ZNF155: variants seen among roughly 807,000 people sequenced by gnomAD.
The protein encoded by ZNF155 is zinc finger protein 155, also known as KRAB A domain.
In ZNF155, 15 loss-of-function variants were observed where a neutral mutation model predicts 11.9. The ratio of observed to expected loss-of-function variants is 1.26; its 90% CI spans 0.84 to 1.94. ZNF155 has a LOEUF of 1.94. Among genes scored for constraint, ZNF155 ranks in the 30% most tolerant of loss-of-function variants. The pLI, the probability that ZNF155 is intolerant of heterozygous loss-of-function variation, is 0.00. For synonymous variants in ZNF155, 212 were observed against 219.9 expected, an observed-to-expected ratio of 0.96 and a Z score of 0.32; for missense variants, 602 against 639.1, an observed-to-expected ratio of 0.94 and a Z score of 0.63.
Position 43,996,395 on chromosome 19 carries a change from GA to G in ZNF155, c.539del (p.Glu180GlyfsTer178). 1 of 1,614,200 alleles carries G rather than the reference GA, an allele frequency of 6.2e-7. No homozygotes were observed. The highest frequency in any genetic ancestry group is 1.1e-5 in the South Asian group (1 of 91,074). On this transcript the variant is annotated frameshift_variant, in exon 5 of 5. Coordinates refer to ENST00000270014, the MANE Select transcript of ZNF155 (RefSeq NM_198089.3). LOFTEE classifies it low-confidence loss of function (END_TRUNC). ...AGAAGAGAAGTCTTATACATGTGAT[GA>G]GTGTGGAAAAAGCATCTGTTACATC... Reference protein sequence around the residue: ...YSEEKSYTCDECGKSICYISA... With the variant: ...YSEEKSYTCDXCGKSICYISA...
rs758730015 is a variant in ZNF155, at chr19:43,997,399, T to C, written c.1542T>C (p.Cys514=). ...RDYSGENPSK[C]EDCGRRYKRR... Reference sequence around the variant, plus strand: ...ATAGTGGGGAAAACCCATCCAAATGTGAGGATTGTGGGAGACGCTACAAGA... The same window carrying C: ...ATAGTGGGGAAAACCCATCCAAATGCGAGGATTGTGGGAGACGCTACAAGA... Residue 514 remains cysteine (C), a synonymous_variant, in exon 5 of 5, where the codon TGT becomes TGC. Coordinates refer to ENST00000270014, the MANE Select transcript of ZNF155 (RefSeq NM_198089.3). 4.3e-6 allele frequency: 7 copies of C among 1,613,346 alleles called. No individual in the cohort carries two copies. In the East Asian group the frequency reaches 1.6e-4, roughly 36 times the overall value.
chr19:43,986,726 G>A (rs946830348), intron 1 of ZNF155, among the ~76,000 whole-genome samples: 2 of 152,118 alleles, frequency 1.3e-5, no homozygotes, highest in African/African-American at 4.8e-5. Flanking sequence ...TGAGATTACA[G>A]GTGTGAGCCA....
At position 43,997,332 on chromosome 19, in the gene ZNF155, G is replaced by C. The variant is rs199749135; in HGVS notation, c.1475G>C (p.Arg492Thr). 1.4e-4 allele frequency: 232 copies of C among 1,613,734 alleles called. No individual in the cohort carries two copies. Among genetic ancestry groups the C allele is most frequent in the Non-Finnish European group, 1.9e-4 (227 of 1,179,810 alleles). Residue 492 changes from arginine to threonine, a missense_variant, in exon 5 of 5, where the codon AGG (arginine) becomes ACG (threonine). Transcript: ENST00000270014. The stretch of plus-strand genomic sequence containing the variant: ...TTCAAATGTGAGGACTGTGGAAAGA[G>C]GCTTGTACACAGGACATACCGTAAA... ...KPFKCEDCGK[R>T]LVHRTYRKDQ...
chr19:43,995,406 CTTTTT>C (rs60385928), intron 4 of ZNF155, among the ~76,000 whole-genome samples: 3 of 94,220 alleles, frequency 3.2e-5, no homozygotes, highest in Admixed American at 1.1e-4. Flanking sequence ...GCATCCAGCA[CTTTTT>C]TTTTTTTTTT....
chr19:43,990,013 C>T, intron 2 of ZNF155: 1 of 1,447,114 alleles, frequency 6.9e-7, no homozygotes, highest in Non-Finnish European at 9.1e-7. Context: ...ATGATTTGTT[C>T]CCCAAATCAG....
At chr19:43,991,168 G>C (rs1396084930) in intron 2 of ZNF155, among the ~76,000 whole-genome samples, 2 of 152,194 alleles carry the variant, frequency 1.3e-5, no homozygotes, top group African/African-American at 4.8e-5. Flanking sequence ...TCCAGGGTTT[G>C]AGTACGAGAG....
In ZNF155 at chr19:43,991,872, A is replaced by G; in HGVS notation, c.173A>G (p.His58Arg). The G allele has an allele frequency of 1.2e-6, 2 of 1,614,014 alleles. No individual in the cohort carries two copies. Among genetic ancestry groups the G allele is most frequent in the Non-Finnish European group, 1.7e-6 (2 of 1,179,958 alleles). ...CAACCGTTCCACCAAGATACTTGCC[A>G]CTTCCTAAGGGAAGAAAAGTTTTGG... ...GHQPFHQDTC[H>R]FLREEKFWMM... Residue 58 changes from histidine (H) to arginine (R), a missense_variant, in exon 4 of 5, where the codon CAC (histidine) becomes CGC (arginine). Transcript: ENST00000270014.
chr19:43,997,411 G>A lies in ZNF155; in HGVS notation c.1554G>A (p.Gly518=). 6 of 1,611,660 alleles carry A rather than the reference G, an allele frequency of 3.7e-6. No individual in the cohort carries two copies. Among genetic ancestry groups the A allele is most frequent in the Non-Finnish European group, 3.4e-6 (4 of 1,179,394 alleles). Reference sequence around the variant, plus strand: ...ACCCATCCAAATGTGAGGATTGTGGGAGACGCTACAAGAGGCGCTTGAATC... The same window carrying A: ...ACCCATCCAAATGTGAGGATTGTGGAAGACGCTACAAGAGGCGCTTGAATC... ...GENPSKCEDC[G]RRYKRRLNLD... Residue 518 remains glycine, a synonymous_variant, in exon 5 of 5, where the codon GGG becomes GGA. Coordinates refer to ENST00000270014, the MANE Select transcript of ZNF155 (RefSeq NM_198089.3).
intron 4 of ZNF155, 27 bp downstream of exon 4, chr19:43,991,961 T>C (rs777981191): frequency 1.3e-5 from 20 of 1,593,606 alleles, no homozygotes; most frequent in Non-Finnish European, 1.7e-5. Context: ...TGTGTGTCCT[T>C]GTACCTGACT....
Position 43,988,519 on chromosome 19 carries a change from C to A in ZNF155, c.-25C>A. ...TCAAACTGCATCACCCAGGAGTCTGCAAATTCCCCAAAGTAGGAGGAAAAA... is the reference window on the plus strand; with the variant it reads ...TCAAACTGCATCACCCAGGAGTCTGAAAATTCCCCAAAGTAGGAGGAAAAA... On this transcript the variant is annotated 5_prime_UTR_variant, in exon 2 of 5. Transcript: ENST00000270014. 1 of 1,606,192 alleles carries A rather than the reference C, an allele frequency of 6.2e-7. No individual in the cohort carries two copies. Among genetic ancestry groups the A allele is most frequent in the Non-Finnish European group, 8.5e-7 (1 of 1,175,172 alleles).
At chr19:43,993,076 T>C (rs1280109168) in intron 4 of ZNF155, among the ~76,000 whole-genome samples, 2 of 152,232 alleles carry the variant, frequency 1.3e-5, no homozygotes, top group Non-Finnish European at 2.9e-5. Flanking sequence ...CCATTTGCCT[T>C]TTCCAAAGTC....
chr19:43,997,675 T>G lies in ZNF155; in HGVS notation c.*201T>G. On this transcript the variant is annotated 3_prime_UTR_variant, in exon 5 of 5. Coordinates refer to ENST00000270014, the MANE Select transcript of ZNF155 (RefSeq NM_198089.3). ...ACCCCCAGCCAAACGGGTCAGTGTCTCATCCCCACATAACACAAAAAGCAG... is the reference window on the plus strand; with the variant it reads ...ACCCCCAGCCAAACGGGTCAGTGTCGCATCCCCACATAACACAAAAAGCAG... The G allele has an allele frequency of 1.9e-6, 1 of 536,212 alleles. No individual in the cohort carries two copies. Among genetic ancestry groups the G allele is most frequent in the Non-Finnish European group, 3.2e-6 (1 of 309,154 alleles). 33.2% of individuals were successfully genotyped at this position (536,212 alleles called of 1,614,324 possible).
intron 4 of ZNF155, among the ~76,000 whole-genome samples, chr19:43,993,888 G>A (rs1975746792): frequency 6.6e-6 from 1 of 152,146 alleles, no homozygotes; most frequent in Non-Finnish European, 1.5e-5. Context: ...AGTTTTGAAT[G>A]TTTTGCAAGC....
rs1975670870 is a variant in ZNF155, at chr19:43,991,664, G to A, written c.132G>A (p.Leu44=). The change falls in exon 3 of 5, where the codon CTG becomes CTA. Residue 44 remains leucine, a synonymous_variant. Transcript: ENST00000270014. ...TGATGCTGGAGAACTTCAGGAACCT[G>A]CTCTCAGTGGGTGAGCACGGGCATC... ...RDVMLENFRN[L]LSVGHQPFHQ... The A allele has an allele frequency of 6.2e-7, 1 of 1,613,980 alleles. No individual in the cohort carries two copies. The highest frequency in any genetic ancestry group is 1.7e-5 in the Admixed American group (1 of 59,994).
rs1249611487 is a variant in ZNF155 at position 43,996,267 on chromosome 19, G to A, written c.410G>A (p.Gly137Glu). 4 of 1,614,046 alleles carry A rather than the reference G, an allele frequency of 2.5e-6. No individual in the cohort carries two copies. Among genetic ancestry groups the A allele is most frequent in the African/African-American group, 2.7e-5 (2 of 74,926 alleles). ...GATGTCCCCTCCCAGGTTGAAGCAG[G>A]ACTACCCACAATTCATACAGGACAG... ...NGDVPSQVEA[G>E]LPTIHTGQKP... The change falls in exon 5 of 5, where the codon GGA becomes GAA. Residue 137 changes from glycine to glutamate, a missense_variant. Gly to Glu is a moderately conservative substitution (Grantham distance 98). Coordinates refer to ENST00000270014, the MANE Select transcript of ZNF155 (RefSeq NM_198089.3).
rs763312387 is a variant in ZNF155, at chr19:43,991,908, C to G, written c.209C>G (p.Thr70Arg). 1.9e-6 allele frequency: 3 copies of G among 1,613,860 alleles called. No individual in the cohort carries two copies. The highest frequency in any genetic ancestry group is 2.5e-6 in the Non-Finnish European group (3 of 1,179,864). ...GAAGAAAAGTTTTGGATGATGGGGA[C>G]AGCAACCCAAAGAGAAGGGAATTCA... ...LREEKFWMMG[T>R]ATQREGNSGG... The change falls in exon 4 of 5, where the codon ACA becomes AGA. Residue 70 changes from threonine to arginine, a missense_variant. By Grantham distance (71) the Thr-to-Arg change is moderately conservative (BLOSUM62 -1). Coordinates refer to ENST00000270014, the MANE Select transcript of ZNF155 (RefSeq NM_198089.3).
At chr19:43,995,497 A>G (rs1039287847) in intron 4 of ZNF155, among the ~76,000 whole-genome samples, 1 of 143,036 alleles carries the variant, frequency 7.0e-6, no homozygotes, top group Non-Finnish European at 1.5e-5. Flanking sequence ...CAATTCTTCC[A>G]CCTCAGCTTC....
In ZNF155 at chr19:43,996,387, C is replaced by T. The variant is rs1345200885; in HGVS notation, c.530C>T (p.Thr177Ile). 4.3e-6 allele frequency: 7 copies of T among 1,614,060 alleles called. No individual in the cohort carries two copies. Among genetic ancestry groups the T allele is most frequent in the African/African-American group, 1.3e-5 (1 of 74,928 alleles). Residue 177 changes from threonine (T) to isoleucine (I), a missense_variant, in exon 5 of 5, where the codon ACA becomes ATA. By Grantham distance (89) the Thr-to-Ile change is moderately conservative. Coordinates refer to ENST00000270014, the MANE Select transcript of ZNF155 (RefSeq NM_198089.3). ...QQLYSEEKSY[T>I]CDECGKSICY... ...TTATACTCAGAAGAGAAGTCTTATACATGTGATGAGTGTGGAAAAAGCATC... is the reference window on the plus strand; with the variant it reads ...TTATACTCAGAAGAGAAGTCTTATATATGTGATGAGTGTGGAAAAAGCATC...
chr19:43,985,558 T>C lies in ZNF155; in HGVS notation c.-86+1313T>C, dbSNP rs552775628. 4.7e-3 allele frequency among the ~76,000 whole-genome samples: 668 copies of C among 143,354 alleles called. 6 individuals carry two copies. The highest frequency in any genetic ancestry group is 0.022 in the Middle Eastern group (6 of 278). The allele number at this position is 143,354 out of a possible 152,430, so 94.0% of individuals were successfully genotyped here. ...CTTTTTTTTTTTTTTTTTTTTTTCC[T>C]GAGACGGAGTCTCGCTCTGTCGCCC... On this transcript the variant is annotated intron_variant, in intron 1 of 4. Coordinates refer to ENST00000270014, the MANE Select transcript of ZNF155 (RefSeq NM_198089.3).
Sources: allele counts gnomAD v4.1 joint callset (sites outside exome capture counted in the v4.1 genomes callset), GRCh38; gene constraint gnomAD v4.1.1; transcripts MANE v1.5; gene names NCBI Gene and HGNC (gene_info 2026-07-23, HGNC 2026-07-21).